Variants in MAP3K1 observed in about 807,000 individuals in gnomAD.
MAP3K1 encodes mitogen-activated protein kinase kinase kinase 1.
Under a neutral mutation model 144.2 loss-of-function variants are expected in MAP3K1, and 36 were observed. That is an observed-to-expected ratio of 0.25 (90% CI 0.19 to 0.33). The LOEUF (loss-of-function observed/expected upper bound fraction) is 0.33. Ranked by LOEUF, MAP3K1 falls within the 10% of genes least tolerant of loss-of-function variation. The pLI is 1.00. For missense variants in MAP3K1, 1,650 were observed against 1,881.9 expected (o/e 0.88, Z 2.28); for synonymous variants, 718 against 688.7 (o/e 1.04, Z -0.67).
At chr5:56,850,293 C>A (rs962259198) in intron 1 of MAP3K1, among the ~76,000 whole-genome samples, 3 of 152,028 alleles carry the variant, frequency 2.0e-5, no homozygotes, top group African/African-American at 7.3e-5. Flanking sequence ...TGTGCCTATC[C>A]CAAATAATGT....
chr5:56,829,174 C>T (rs79075655), intron 1 of MAP3K1, among the ~76,000 whole-genome samples: 7 of 142,900 alleles, frequency 4.9e-5, no homozygotes, highest in Non-Finnish European at 9.2e-5. Flanking sequence ...TGTTTTTCTT[C>T]TTTTTTTTTT....
intron 19 of MAP3K1, 32 bp downstream of exon 19, chr5:56,888,389 C>T: frequency 1.9e-6 from 3 of 1,610,160 alleles, no homozygotes; most frequent in Non-Finnish European, 2.5e-6. Context: ...CTTCTTTGTG[C>T]TAAAAGGAGT....
intron 19 of MAP3K1, among the ~76,000 whole-genome samples, chr5:56,890,305 A>G (rs148574623): frequency 5.9e-5 from 9 of 152,300 alleles, no homozygotes; most frequent in African/African-American, 2.2e-4. Flanking sequence ...AATAATTTTC[A>G]AATTGGCACA....
At chr5:56,861,590 A>AAAGG (rs1554033753) in intron 3 of MAP3K1, among the ~76,000 whole-genome samples, 3,710 of 134,418 alleles carry the variant, frequency 0.028, 223 homozygotes, top group African/African-American at 0.11. Context: ...AAAAAAAAAA[A>AAAGG]GGGGCTATTA....
At position 56,881,550 on chromosome 5, in the gene MAP3K1, T is replaced by C; in HGVS notation, c.2370-20T>C. 1 of 1,567,372 alleles carries C rather than the reference T, an allele frequency of 6.4e-7. No homozygotes were observed. Among genetic ancestry groups the C allele is most frequent in the African/African-American group, 1.3e-5 (1 of 74,310 alleles). On this transcript the variant is annotated intron_variant, in intron 13 of 19. Coordinates refer to ENST00000399503, the MANE Select transcript of MAP3K1 (RefSeq NM_005921.2). ...TCAGTAATTGGAACTTATATGGTAA[T>C]GAATGTTTTTTTCTTTCAGGTATAA... is the stretch of plus-strand genomic sequence containing the variant.
chr5:56,843,265 G>A (rs1052290363), intron 1 of MAP3K1, among the ~76,000 whole-genome samples: 1 of 152,110 alleles, frequency 6.6e-6, no homozygotes, highest in Non-Finnish European at 1.5e-5. Context: ...CCCAGTAGCC[G>A]TCTCTGGTCA....
chr5:56,815,925 A>T lies in MAP3K1; in HGVS notation c.352A>T (p.Ser118Cys), dbSNP rs533517764. Residue 118 changes from serine to cysteine, a missense_variant, in exon 1 of 20, where the codon AGC becomes TGC. Coordinates refer to ENST00000399503, the MANE Select transcript of MAP3K1 (RefSeq NM_005921.2). ...VAVPPPHGAA[S>C]RGGAHLTESV... is the part of the protein sequence containing the mutation. The stretch of plus-strand genomic sequence containing the variant: ...GGTGCCGCCGCCCCACGGAGCCGCG[A>T]GCCGCGGCGGCGCCCACCTTACCGA... 24 of 1,260,968 alleles carry T rather than the reference A, an allele frequency of 1.9e-5. No individual in the cohort carries two copies. The East Asian group carries it at 7.6e-4, about 40-fold the overall frequency. 78.1% of individuals were successfully genotyped at this position (1,260,968 alleles called of 1,614,324 possible).
chr5:56,885,832 T>C, intron 16 of MAP3K1, 100 bp from the exon 17 acceptor site: 1 of 931,724 alleles, frequency 1.1e-6, no homozygotes, highest in Non-Finnish European at 1.7e-6. Flanking sequence ...GTTTCAGATG[T>C]GAATGTGAGT....
In MAP3K1 at chr5:56,879,084, A is replaced by G; in HGVS notation, c.2070A>G (p.Lys690=). 1 of 1,613,940 alleles carries G rather than the reference A, an allele frequency of 6.2e-7. No homozygotes were observed. Among genetic ancestry groups the G allele is most frequent in the Non-Finnish European group, 8.5e-7 (1 of 1,179,862 alleles). ...CAGTTGTAGACACCATCCTAGTCAA[A>G]TGTGCAGATGCCAATAGGTAAGGCT... is the stretch of plus-strand genomic sequence containing the variant. The part of the protein sequence containing the change: ...LQPVVDTILV[K]CADANSRTSQ... Residue 690 remains lysine, a synonymous_variant, in exon 11 of 20, where the codon AAA becomes AAG. Transcript: ENST00000399503.
Position 56,896,125 on chromosome 5 carries a change from T to C in MAP3K1, c.*2445T>C, listed in dbSNP as rs571654581. On this transcript the variant is annotated 3_prime_UTR_variant, in exon 20 of 20. Coordinates refer to ENST00000399503, the MANE Select transcript of MAP3K1 (RefSeq NM_005921.2). Reference sequence around the variant, plus strand: ...TGTACCTATTTTGGTGTTTTTGTCTTTATAGTAAATAAAAGTTTTTGAACA... The same window carrying C: ...TGTACCTATTTTGGTGTTTTTGTCTCTATAGTAAATAAAAGTTTTTGAACA... The C allele has an allele frequency of 4.5e-6, 1 of 224,450 alleles. No homozygotes were observed. Among genetic ancestry groups the C allele is most frequent in the South Asian group, 1.8e-4 (1 of 5,446 alleles). The allele number at this position is 224,450 out of a possible 1,614,324, so 13.9% of individuals were successfully genotyped here.
At chr5:56,823,684 C>G (rs1561161833) in intron 1 of MAP3K1, among the ~76,000 whole-genome samples, 1 of 152,186 alleles carries the variant, frequency 6.6e-6, no homozygotes, top group Non-Finnish European at 1.5e-5. Flanking sequence ...AAAGTCTAGA[C>G]TATGGTGTTT....
At chr5:56,880,652 A>T (rs1748176358) in intron 11 of MAP3K1, 59 bp from the exon 12 acceptor site, 2 of 1,124,330 alleles carry the variant, frequency 1.8e-6, no homozygotes, top group Non-Finnish European at 2.7e-6. Context: ...TACTCCTCTA[A>T]TATTGTATAG....
intron 1 of MAP3K1, among the ~76,000 whole-genome samples, chr5:56,847,225 A>C (rs533807569): frequency 6.6e-6 from 1 of 152,324 alleles, no homozygotes; most frequent in Admixed American, 6.5e-5. Flanking sequence ...GTTTAGCCTT[A>C]GTGTTTTATC....
rs1048669378 is a variant in MAP3K1 at position 56,816,134 on chromosome 5, C to T, written c.482+79C>T. On this transcript the variant is annotated intron_variant, in intron 1 of 19. Transcript: ENST00000399503. ...ATGAATGAACCCCGGGCACCATGCA[C>T]GGCGTCCCGGGGTTCAGCGCAGCGA... 3.5e-6 allele frequency: 4 copies of T among 1,149,952 alleles called. No individual in the cohort carries two copies. In the East Asian group the frequency reaches 1.1e-4, roughly 32 times the overall value. The allele number at this position is 1,149,952 out of a possible 1,614,324, so 71.2% of individuals were successfully genotyped here.
At chr5:56,884,223 T>C (rs1748309937) in intron 15 of MAP3K1, among the ~76,000 whole-genome samples, 1 of 152,198 alleles carries the variant, frequency 6.6e-6, no homozygotes, top group African/African-American at 2.4e-5. Flanking sequence ...AAGGTTTTTT[T>C]GGTTTTGCTT....
At chr5:56,888,077 A>T in intron 18 of MAP3K1, 149 bp from the exon 19 acceptor site, 2 of 674,104 alleles carry the variant, frequency 3.0e-6, no homozygotes, top group Non-Finnish European at 5.1e-6. Context: ...TAAGCTCATT[A>T]ATGAAATAAA....
chr5:56,839,654 A>G (rs2111809716), intron 1 of MAP3K1, among the ~76,000 whole-genome samples: 2 of 152,280 alleles, frequency 1.3e-5, no homozygotes, highest in East Asian at 1.9e-4. Context: ...TGGAGTTTGC[A>G]TACTCCCCCC....
At chr5:56,818,993 T>C (rs141264065) in intron 1 of MAP3K1, among the ~76,000 whole-genome samples, 3 of 152,306 alleles carry the variant, frequency 2.0e-5, no homozygotes, top group East Asian at 3.9e-4. Flanking sequence ...TCTTAAAATA[T>C]TAAGTGGGTG....
chr5:56,816,183 C>G, intron 1 of MAP3K1, 128 bp downstream of exon 1: 1 of 996,884 alleles, frequency 1.0e-6, no homozygotes, highest in Non-Finnish European at 1.3e-6. Context: ...TCGCCGGGAC[C>G]TACGCCCCTG....
Sources: gnomAD v4.1 joint callset for allele counts (sites outside exome capture counted in the v4.1 genomes callset) on GRCh38, gnomAD v4.1.1 for gene constraint, MANE v1.5 for transcripts, NCBI Gene and HGNC (gene_info 2026-07-23, HGNC 2026-07-21) for gene names.